PID1: variants seen among roughly 807,000 people sequenced by gnomAD.
PID1 encodes the protein PTB-containing, cubilin and LRP1-interacting protein.
Under a neutral mutation model 19.1 loss-of-function variants are expected in PID1, and 10 were observed. The ratio of observed to expected loss-of-function variants is 0.52; its 90% CI spans 0.32 to 0.89. The LOEUF (loss-of-function observed/expected upper bound fraction) is 0.89. PID1 is among the 40% of genes least tolerant of loss of function. The probability of loss-of-function intolerance (pLI) is 0.03; values close to 1 mark genes in which losing one functional copy is unlikely to be tolerated. For synonymous variants in PID1, 130 were observed against 116.0 expected (o/e 1.12, Z -0.78); for missense variants, 248 against 285.3 (o/e 0.87, Z 0.94).
chr2:229,139,163 A>G (rs201519209), intron 2 of PID1, among the ~76,000 whole-genome samples: 1,369 of 111,960 alleles, frequency 0.012, 150 homozygotes, highest in African/African-American at 0.042. Context: ...GCGAGCGAGC[A>G]AGCGAGCTTC....
intron 2 of PID1, among the ~76,000 whole-genome samples, chr2:229,146,133 A>G (rs931676937): frequency 6.6e-6 from 1 of 152,170 alleles, no homozygotes; most frequent in African/African-American, 2.4e-5. Context: ...ATAGTATTCC[A>G]TGGTGTGTAT....
intron 2 of PID1, among the ~76,000 whole-genome samples, chr2:229,101,568 T>G (rs1381645699): frequency 6.6e-6 from 1 of 152,218 alleles, no homozygotes; most frequent in Non-Finnish European, 1.5e-5. Context: ...TTTGCGTGTA[T>G]TACCTCATTT....
chr2:229,225,323 G>A (rs1273424073), intron 1 of PID1, among the ~76,000 whole-genome samples: 1 of 152,156 alleles, frequency 6.6e-6, no homozygotes, highest in African/African-American at 2.4e-5. Context: ...ATAAATTACA[G>A]TAATGCATGG....
At chr2:229,267,316 G>GA (rs1346173735) in intron 1 of PID1, among the ~76,000 whole-genome samples, 2 of 152,190 alleles carry the variant, frequency 1.3e-5, no homozygotes, top group Non-Finnish European at 2.9e-5. Flanking sequence ...GGATGGAACA[G>GA]AAAAAATTGC....
rs753123850 is a variant in PID1 at position 229,028,342 on chromosome 2, G to A, written c.178-2234C>T. On this transcript the variant is annotated intron_variant, in intron 2 of 2. Transcript: ENST00000392055. The stretch of plus-strand genomic sequence containing the variant: ...TTAATCACTTTATGCATCAAAGTTC[G>A]TGTAAATTGAGCCATCAGAAAGCAA... Among the ~76,000 whole-genome samples the A allele has an allele frequency of 9.2e-5, 14 of 152,252 alleles. 1 individual carries two copies. Among genetic ancestry groups the A allele is most frequent in the East Asian group, 7.7e-4 (4 of 5,176 alleles).
chr2:229,241,578 T>C (rs1381707384), intron 1 of PID1, among the ~76,000 whole-genome samples: 1 of 152,160 alleles, frequency 6.6e-6, no homozygotes, highest in African/African-American at 2.4e-5. Flanking sequence ...CAATTCTTTC[T>C]TTATAATTCT....
chr2:229,185,695 T>C (rs1691115059), intron 1 of PID1, among the ~76,000 whole-genome samples: 1 of 152,160 alleles, frequency 6.6e-6, no homozygotes, highest in East Asian at 1.9e-4. Context: ...ATCACAAGAA[T>C]AGCACAGGAA....
intron 2 of PID1, among the ~76,000 whole-genome samples, chr2:229,030,713 T>C (rs113524957): frequency 0.013 from 2,047 of 152,276 alleles, 19 homozygotes; most frequent in Non-Finnish European, 0.022. Flanking sequence ...ACCGATTTCA[T>C]AGTAGCAAAA....
chr2:229,156,275 G>A (rs1268968177), intron 1 of PID1, among the ~76,000 whole-genome samples: 2 of 152,186 alleles, frequency 1.3e-5, no homozygotes, highest in African/African-American at 4.8e-5. Context: ...TTGTGGCAAT[G>A]GAATCCATGC....
rs375129717 is a variant in PID1 at position 229,178,668 on chromosome 2, T to C, written c.31-22704A>G. 2.1e-4 allele frequency among the ~76,000 whole-genome samples: 32 copies of C among 152,278 alleles called. No homozygotes were observed. In the South Asian group the frequency reaches 5.4e-3, roughly 26 times the overall value. ...TTTACTAATTATATCCAATTAAATATATTTTATTATTTATAAAGGCATTTT... is the reference window on the plus strand; with the variant it reads ...TTTACTAATTATATCCAATTAAATACATTTTATTATTTATAAAGGCATTTT... On this transcript the variant is annotated intron_variant, in intron 1 of 2. Coordinates refer to ENST00000392055, the MANE Select transcript of PID1 (RefSeq NM_001100818.2).
chr2:229,104,920 G>A (rs1202175965), intron 2 of PID1, among the ~76,000 whole-genome samples: 1 of 152,134 alleles, frequency 6.6e-6, no homozygotes, highest in Non-Finnish European at 1.5e-5. Flanking sequence ...ACTCTTTATA[G>A]GCCTGAATTT....
chr2:229,061,058 C>T (rs899781155), intron 2 of PID1, among the ~76,000 whole-genome samples: 1 of 152,016 alleles, frequency 6.6e-6, no homozygotes, highest in African/African-American at 2.4e-5. Context: ...CCAGTCTGTG[C>T]ATTGCCACTT....
chr2:229,222,506 T>A (rs1390057424), intron 1 of PID1, among the ~76,000 whole-genome samples: 1 of 152,200 alleles, frequency 6.6e-6, no homozygotes, highest in East Asian at 1.9e-4. Context: ...TAATTTTATG[T>A]GTCAACTTGA....
intron 2 of PID1, among the ~76,000 whole-genome samples, chr2:229,145,147 A>ATGCGTGTGTG (rs1690100192): frequency 8.6e-6 from 1 of 116,654 alleles, no homozygotes; most frequent in African/African-American, 3.2e-5. Flanking sequence ...GTTTAAATAT[A>ATGCGTGTGTG]TGTATGTGTA....
intron 1 of PID1, among the ~76,000 whole-genome samples, chr2:229,259,285 T>C (rs977817251): frequency 1.3e-5 from 2 of 152,188 alleles, no homozygotes; most frequent in Non-Finnish European, 2.9e-5. Flanking sequence ...ATACATGAGA[T>C]GCAAGTATTT....
chr2:229,117,196 C>T (rs1695427547), intron 2 of PID1, among the ~76,000 whole-genome samples: 1 of 152,126 alleles, frequency 6.6e-6, no homozygotes. Context: ...AAATATAACT[C>T]TTGTACCACA....
At chr2:229,173,751 CT>C (rs1690757258) in intron 1 of PID1, among the ~76,000 whole-genome samples, 1 of 152,240 alleles carries the variant, frequency 6.6e-6, no homozygotes, top group Admixed American at 6.5e-5. Context: ...GGCCTCCCCA[CT>C]TCGGTGTGCC....
chr2:229,025,421 C>T lies in PID1; in HGVS notation c.*211G>A, dbSNP rs981581473. 2.6e-5 allele frequency: 15 copies of T among 575,130 alleles called. No individual in the cohort carries two copies. The highest frequency in any genetic ancestry group is 4.3e-5 in the Non-Finnish European group (14 of 322,606). 35.6% of individuals were successfully genotyped at this position (575,130 alleles called of 1,614,324 possible). On this transcript the variant is annotated 3_prime_UTR_variant, in exon 3 of 3. Transcript: ENST00000392055. ...TCCTCCCCATCCACACTCCCACCCT[C>T]CTCACAGTCACAGCAGCAGCAGGTT...
intron 2 of PID1, among the ~76,000 whole-genome samples, chr2:229,082,062 G>A (rs1470279273): frequency 6.6e-6 from 1 of 152,154 alleles, no homozygotes; most frequent in Non-Finnish European, 1.5e-5. Flanking sequence ...TCTTTAATAT[G>A]TCTCAAAATT....
Sources: gnomAD v4.1 joint callset for allele counts (sites outside exome capture counted in the v4.1 genomes callset) on GRCh38, gnomAD v4.1.1 for gene constraint, MANE v1.5 for transcripts, NCBI Gene and HGNC (gene_info 2026-07-23, HGNC 2026-07-21) for gene names.